The following GALNT17 variants were observed in gnomAD, a reference collection of about 807,000 sequenced individuals.
GALNT17 encodes the protein polypeptide N-acetylgalactosaminyltransferase 17, also known as UDP-GalNAc:polypeptide N-acetylgalactosaminyltransferase-like 3.
In GALNT17, 29 loss-of-function variants were observed where a neutral mutation model predicts 63.7. The observed-to-expected ratio is 0.46, with a 90% CI of 0.34 to 0.62. The LOEUF (loss-of-function observed/expected upper bound fraction) is 0.62, where lower values mean the gene tolerates loss of function less well. Ranked by LOEUF, GALNT17 falls within the 20% of genes least tolerant of loss-of-function variation. GALNT17 has a pLI of 0.01. For synonymous variants in GALNT17, 305 were observed against 318.3 expected (o/e 0.96, Z 0.45); for missense variants, 603 against 799.6 (o/e 0.75, Z 2.97).
intron 1 of GALNT17, among the ~76,000 whole-genome samples, chr7:71,204,513 T>G (rs1233061403): frequency 1.3e-5 from 2 of 152,122 alleles, no homozygotes; most frequent in African/African-American, 4.8e-5. Flanking sequence ...ACAATATTAA[T>G]TCTTTCAATT....
At chr7:71,186,001 TC>T (rs1241733793) in intron 1 of GALNT17, among the ~76,000 whole-genome samples, 3 of 152,142 alleles carry the variant, frequency 2.0e-5, no homozygotes, top group Non-Finnish European at 4.4e-5. Flanking sequence ...CATTCAAGAT[TC>T]CTTTATGCCC....
intron 1 of GALNT17, among the ~76,000 whole-genome samples, chr7:71,302,825 A>G (rs1232232911): frequency 1.3e-5 from 2 of 152,206 alleles, no homozygotes; most frequent in African/African-American, 4.8e-5. Flanking sequence ...TAATTAACAT[A>G]CTATGATAGC....
rs551639612 is a variant in GALNT17 at position 71,567,550 on chromosome 7, C to T, written c.963-3735C>T. On this transcript the variant is annotated intron_variant, in intron 5 of 10. Coordinates refer to ENST00000333538, the MANE Select transcript of GALNT17 (RefSeq NM_022479.3). ...TGCGATCTTGGCTCACTGCAGCCTC[C>T]GCCTCTCAGGTTCAAGCGATTCTCC... Among the ~76,000 whole-genome samples the T allele has an allele frequency of 1.2e-3, 178 of 152,270 alleles. 1 individual carries two copies. The highest frequency in any genetic ancestry group is 4.1e-3 in the African/African-American group (171 of 41,558).
chr7:71,553,596 T>A (rs1789115672), intron 5 of GALNT17, among the ~76,000 whole-genome samples: 1 of 152,246 alleles, frequency 6.6e-6, no homozygotes, highest in African/African-American at 2.4e-5. Flanking sequence ...CTCAAAGTTC[T>A]GTTCATTCTT....
chr7:71,316,199 T>TGGGTCTGATCAGGATCCTGATCTGG, intron 1 of GALNT17, among the ~76,000 whole-genome samples: 2 of 57,270 alleles, frequency 3.5e-5, no homozygotes, highest in Admixed American at 2.1e-4. Context: ...TCCTGATCTG[T>TGGGTCTGATCAGGATCCTGATCTGG]GGGTCTGATC....
In GALNT17 at chr7:71,243,144, A is replaced by G. The variant is rs1484413493; in HGVS notation, c.239-92406A>G. Among the ~76,000 whole-genome samples the G allele has an allele frequency of 2.0e-5, 3 of 152,004 alleles. No individual in the cohort carries two copies. The East Asian group carries it at 5.8e-4, about 29-fold the overall frequency. On this transcript the variant is annotated intron_variant, in intron 1 of 10. Transcript: ENST00000333538. ...GTGATAGTGAGTGATTTCTCACGAG[A>G]TCTGATGGTTTTACAAGGCAGTTTT...
At chr7:71,692,099 TG>T (rs35238259) in intron 9 of GALNT17, among the ~76,000 whole-genome samples, 1 of 151,924 alleles carries the variant, frequency 6.6e-6, no homozygotes, top group Non-Finnish European at 1.5e-5. Context: ...TTTATAGAGA[TG>T]GGGTCTCGCT....
Position 71,326,065 on chromosome 7 carries a change from A to G in GALNT17, c.239-9485A>G, listed in dbSNP as rs1056336100. Among the ~76,000 whole-genome samples the G allele has an allele frequency of 2.0e-5, 3 of 152,086 alleles. No homozygotes were observed. The East Asian group carries it at 5.8e-4, about 29-fold the overall frequency. On this transcript the variant is annotated intron_variant, in intron 1 of 10. Transcript: ENST00000333538. ...TCTTTTGTTTTTTTAAAACAATTCT[A>G]AATTTTCTAACGTCTGTGTTCTTCT... is the stretch of plus-strand genomic sequence containing the variant.
intron 1 of GALNT17, among the ~76,000 whole-genome samples, chr7:71,266,981 A>G (rs901353445): frequency 2.0e-5 from 3 of 152,166 alleles, no homozygotes; most frequent in African/African-American, 7.2e-5. Context: ...TAACCAGGAG[A>G]AAGTGTGCAG....
At chr7:71,174,039 C>T (rs867204962) in intron 1 of GALNT17, among the ~76,000 whole-genome samples, 4 of 152,074 alleles carry the variant, frequency 2.6e-5, no homozygotes, top group African/African-American at 9.7e-5. Context: ...TTCTTGGAGG[C>T]GACTCAAGAG....
At chr7:71,172,467 G>GAA (rs369510040) in intron 1 of GALNT17, among the ~76,000 whole-genome samples, 27 of 134,560 alleles carry the variant, frequency 2.0e-4, no homozygotes, top group Middle Eastern at 3.8e-3. Context: ...AAAAAAAAAA[G>GAA]AAAAAAAAAA....
intron 1 of GALNT17, among the ~76,000 whole-genome samples, chr7:71,221,608 A>G (rs779567227): frequency 2.6e-5 from 4 of 152,088 alleles, no homozygotes; most frequent in Non-Finnish European, 5.9e-5. Flanking sequence ...TCTCCCTGCT[A>G]TGGACTGACC....
intron 5 of GALNT17, among the ~76,000 whole-genome samples, chr7:71,472,949 C>T (rs1364761284): frequency 1.3e-5 from 2 of 152,088 alleles, no homozygotes; most frequent in Non-Finnish European, 2.9e-5. Context: ...AGAAAGTGTG[C>T]CCAAGGTTGT....
intron 1 of GALNT17, among the ~76,000 whole-genome samples, chr7:71,218,500 TA>T (rs2116414000): frequency 6.6e-6 from 1 of 152,266 alleles, no homozygotes; most frequent in South Asian, 2.1e-4. Flanking sequence ...GCATGAGTTT[TA>T]AATATAACTG....
At chr7:71,352,894 G>A (rs1371740644) in intron 2 of GALNT17, among the ~76,000 whole-genome samples, 2 of 152,158 alleles carry the variant, frequency 1.3e-5, no homozygotes, top group Non-Finnish European at 2.9e-5. Flanking sequence ...CTGGTGATGA[G>A]CGATAGTGAG....
At chr7:71,523,998 A>T (rs562595209) in intron 5 of GALNT17, among the ~76,000 whole-genome samples, 3 of 150,302 alleles carry the variant, frequency 2.0e-5, no homozygotes, top group African/African-American at 7.3e-5. Flanking sequence ...CAGGCCTGTA[A>T]TCCCAGCTAC....
chr7:71,323,471 G>A (rs1410982418), intron 1 of GALNT17, among the ~76,000 whole-genome samples: 1 of 152,156 alleles, frequency 6.6e-6, no homozygotes, highest in Non-Finnish European at 1.5e-5. Context: ...CCACCAAGCA[G>A]CAGCTGATAC....
chr7:71,406,154 CTTGGTTAGCAAT>C (rs897388801), intron 3 of GALNT17, among the ~76,000 whole-genome samples: 1 of 152,154 alleles, frequency 6.6e-6, no homozygotes, highest in Non-Finnish European at 1.5e-5. Context: ...TTTTAGTGAG[CTTGGTTAGCAAT>C]TTGGGGATAT....
At chr7:71,502,887 G>C (rs1788203272) in intron 5 of GALNT17, among the ~76,000 whole-genome samples, 1 of 152,156 alleles carries the variant, frequency 6.6e-6, no homozygotes, top group African/African-American at 2.4e-5. Flanking sequence ...TTCACCCCAG[G>C]ATATCAGTTT....
Sources: allele counts gnomAD v4.1 joint callset (sites outside exome capture counted in the v4.1 genomes callset), GRCh38; gene constraint gnomAD v4.1.1; transcripts MANE v1.5; gene names NCBI Gene and HGNC (gene_info 2026-07-23, HGNC 2026-07-21).